Variants in SPRYD4 observed in about 807,000 individuals in gnomAD.
SPRYD4 encodes the protein SPRY domain containing 4.
SPRYD4 carries 12 observed loss-of-function variants against 16.6 expected under a neutral mutation model. That is an observed-to-expected ratio of 0.72 (90% CI 0.46 to 1.17). The LOEUF is 1.17. Ranked by LOEUF, SPRYD4 falls within the 50% of genes most tolerant of loss-of-function variation. SPRYD4 has a pLI of 0.00. For missense variants in SPRYD4, 260 were observed against 260.2 expected (o/e 1.00, Z 0.00); for synonymous variants, 98 against 105.4 (o/e 0.93, Z 0.43).
chr12:56,471,379 G>T lies in SPRYD4; in HGVS notation c.*1802G>T. 8.4e-7 allele frequency: 1 copy of T among 1,187,560 alleles called. No individual in the cohort carries two copies. Among genetic ancestry groups the T allele is most frequent in the Non-Finnish European group, 1.2e-6 (1 of 861,750 alleles). The allele number at this position is 1,187,560 out of a possible 1,614,324, so 73.6% of individuals were successfully genotyped here. ...AGCCTAAGTCACCAAATGACTGCTTGGTCCCCACTGAAGCAGTGTAGCTCT... is the reference window on the plus strand; with the variant it reads ...AGCCTAAGTCACCAAATGACTGCTTTGTCCCCACTGAAGCAGTGTAGCTCT... On this transcript the variant is annotated 3_prime_UTR_variant, in exon 2 of 2. Coordinates refer to ENST00000338146, the MANE Select transcript of SPRYD4 (RefSeq NM_207344.4).
In SPRYD4 at chr12:56,475,988, A is replaced by G. The variant is rs1490322895; in HGVS notation, c.*6411A>G. The G allele has an allele frequency of 1.2e-6, 2 of 1,612,072 alleles. No individual in the cohort carries two copies. The highest frequency in any genetic ancestry group is 1.1e-5 in the South Asian group (1 of 91,056). ...TTTGTTACAGTCCATCTGCAGAGAA[A>G]GAGAGAGATGTCAGCATTCTAAGTG... On this transcript the variant is annotated 3_prime_UTR_variant, in exon 2 of 2. Transcript: ENST00000338146.
Position 56,470,496 on chromosome 12 carries a change from T to C in SPRYD4, c.*919T>C, listed in dbSNP as rs1296441017. 6.6e-6 allele frequency: 1 copy of C among 152,200 alleles called. No individual in the cohort carries two copies. The highest frequency in any genetic ancestry group is 1.5e-5 in the Non-Finnish European group (1 of 68,078). The allele number at this position is 152,200 out of a possible 1,614,324, so 9.4% of individuals were successfully genotyped here. A position where few individuals can be genotyped will look rare whatever the true frequency, so the allele number is the denominator to read the frequency against. On this transcript the variant is annotated 3_prime_UTR_variant, in exon 2 of 2. Coordinates refer to ENST00000338146, the MANE Select transcript of SPRYD4 (RefSeq NM_207344.4). ...TGTGCCACCATGCCCGTCTCATTTT[T>C]ATATTTTTAGTAGAGATGGGGTTTT...
At position 56,469,684 on chromosome 12, in the gene SPRYD4, G is replaced by A. The variant is rs889143353; in HGVS notation, c.*107G>A. The A allele has an allele frequency of 2.4e-5, 26 of 1,096,320 alleles. No homozygotes were observed. The highest frequency in any genetic ancestry group is 1.1e-4 in the South Asian group (7 of 61,896). The allele number at this position is 1,096,320 out of a possible 1,614,324, so 67.9% of individuals were successfully genotyped here. A position where few individuals can be genotyped will look rare whatever the true frequency, so the allele number is the denominator to read the frequency against. On this transcript the variant is annotated 3_prime_UTR_variant, in exon 2 of 2. Transcript: ENST00000338146. ...AGCAACCTCTAGCTCCCACAATTCA[G>A]TGTTGGGTCCTCTGTGCAATATCAT...
In SPRYD4 at chr12:56,469,448, G is replaced by T. The variant is rs574793723; in HGVS notation, c.495G>T (p.Val165=). The part of the protein sequence containing the change: ...LEYEAQKLSL[V]DVSQVSVVHT... ...ATGAGGCCCAGAAGCTGAGCCTGGT[G>T]GATGTGAGCCAGGTCTCTGTGGTTC... The change falls in exon 2 of 2, where the codon GTG becomes GTT. Residue 165 remains valine, a synonymous_variant. Transcript: ENST00000338146. 3 of 1,614,100 alleles carry T rather than the reference G, an allele frequency of 1.9e-6. No individual in the cohort carries two copies. The highest frequency in any genetic ancestry group is 2.7e-5 in the African/African-American group (2 of 75,014).
chr12:56,478,309 G>T lies in SPRYD4; in HGVS notation c.*8732G>T. 6.3e-7 allele frequency: 1 copy of T among 1,580,772 alleles called. No individual in the cohort carries two copies. Among genetic ancestry groups the T allele is most frequent in the South Asian group, 1.1e-5 (1 of 90,268 alleles). On this transcript the variant is annotated 3_prime_UTR_variant, in exon 2 of 2. Transcript: ENST00000338146. ...AAAGGGAGATGGATGTGGAGAAGAG[G>T]AACAGAGTTGAGGTTGAGGGTCAAG...
Position 56,469,310 on chromosome 12 carries a change from T to A in SPRYD4, c.357T>A (p.Asp119Glu). The A allele has an allele frequency of 1.2e-6, 2 of 1,614,120 alleles. No homozygotes were observed. The change falls in exon 2 of 2, where the codon GAT becomes GAA. Residue 119 changes from aspartate to glutamate, a missense_variant. Asp to Glu is a conservative substitution (Grantham distance 45). Transcript: ENST00000338146. ...GGGATAGCTGCATTGGTGTTGATGA[T>A]CGTTCCTGGGTGTTCACCTATGCCC... The part of the protein sequence containing the change: ...MSRDSCIGVD[D>E]RSWVFTYAQR...
chr12:56,468,621 C>G lies in SPRYD4; in HGVS notation c.30C>G (p.Arg10=). The part of the protein sequence containing the change: MALLFARSL[R]LCRWGAKRLG... ...CGCTGCTTTTTGCACGTTCTTTGCG[C>G]TTGTGCCGCTGGGGAGCCAAACGAT... Residue 10 remains arginine, a synonymous_variant, in exon 1 of 2, where the codon CGC becomes CGG. Coordinates refer to ENST00000338146, the MANE Select transcript of SPRYD4 (RefSeq NM_207344.4). 1 of 1,614,002 alleles carries G rather than the reference C, an allele frequency of 6.2e-7. No homozygotes were observed. The highest frequency in any genetic ancestry group is 1.3e-5 in the African/African-American group (1 of 75,070).
Position 56,479,089 on chromosome 12 carries a change from C to G in SPRYD4, c.*9512C>G. 8 of 1,613,766 alleles carry G rather than the reference C, an allele frequency of 5.0e-6. No homozygotes were observed. The highest frequency in any genetic ancestry group is 6.8e-6 in the Non-Finnish European group (8 of 1,179,922). On this transcript the variant is annotated 3_prime_UTR_variant, in exon 2 of 2. Coordinates refer to ENST00000338146, the MANE Select transcript of SPRYD4 (RefSeq NM_207344.4). ...GAGCTCTTTGACATCCTCAAAGATGCGATCCACATGGCCCGTGAACTCCTC... is the reference window on the plus strand; with the variant it reads ...GAGCTCTTTGACATCCTCAAAGATGGGATCCACATGGCCCGTGAACTCCTC...
At chr12:56,468,704 C>A in intron 1 of SPRYD4, 28 bp downstream of exon 1, 1 of 1,598,774 alleles carries the variant, frequency 6.3e-7, no homozygotes, top group South Asian at 1.1e-5. Context: ...TACTCTTTTA[C>A]CTCCAGAATG....
chr12:56,473,896 C>A lies in SPRYD4; in HGVS notation c.*4319C>A. On this transcript the variant is annotated 3_prime_UTR_variant, in exon 2 of 2. Transcript: ENST00000338146. ...TAATAAACAGGTAAATAAATAGACACGTAATGTTTAAAGTAATTGTGATAA... is the reference window on the plus strand; with the variant it reads ...TAATAAACAGGTAAATAAATAGACAAGTAATGTTTAAAGTAATTGTGATAA... 3.6e-6 allele frequency: 1 copy of A among 275,396 alleles called. No homozygotes were observed. The highest frequency in any genetic ancestry group is 6.8e-6 in the Non-Finnish European group (1 of 147,570). The allele number at this position is 275,396 out of a possible 1,614,324, so 17.1% of individuals were successfully genotyped here. A position where few individuals can be genotyped will look rare whatever the true frequency, so the allele number is the denominator to read the frequency against.
rs755930387 is a variant in SPRYD4 at position 56,474,866 on chromosome 12, C to T, written c.*5289C>T. 1 of 1,614,044 alleles carries T rather than the reference C, an allele frequency of 6.2e-7. No individual in the cohort carries two copies. Among genetic ancestry groups the T allele is most frequent in the Non-Finnish European group, 8.5e-7 (1 of 1,180,028 alleles). ...CTTACCTGGAAGTAGAGATCAAGGG[C>T]AGCCATCATGTCCACCCCCTTAGGA... On this transcript the variant is annotated 3_prime_UTR_variant, in exon 2 of 2. Transcript: ENST00000338146.
Position 56,475,284 on chromosome 12 carries a change from G to A in SPRYD4, c.*5707G>A. ...ATTTCTGAACCTGAGCAAACACTCAGCATAGTTTTGTTATAAAGTAAACCC... is the reference window on the plus strand; with the variant it reads ...ATTTCTGAACCTGAGCAAACACTCAACATAGTTTTGTTATAAAGTAAACCC... On this transcript the variant is annotated 3_prime_UTR_variant, in exon 2 of 2. Coordinates refer to ENST00000338146, the MANE Select transcript of SPRYD4 (RefSeq NM_207344.4). The A allele has an allele frequency of 1.3e-6, 2 of 1,485,290 alleles. No individual in the cohort carries two copies. Among genetic ancestry groups the A allele is most frequent in the Non-Finnish European group, 1.8e-6 (2 of 1,104,832 alleles). 92.0% of individuals were successfully genotyped at this position (1,485,290 alleles called of 1,614,324 possible). A position where few individuals can be genotyped will look rare whatever the true frequency, so the allele number is the denominator to read the frequency against.
At position 56,476,107 on chromosome 12, in the gene SPRYD4, G is replaced by A. The variant is rs1435689297; in HGVS notation, c.*6530G>A. ...TGCAAATGTGTTCAATTTTATAATG[G>A]CCCTTTTTTTATCCTTCTGAAAACA... On this transcript the variant is annotated 3_prime_UTR_variant, in exon 2 of 2. Transcript: ENST00000338146. The A allele has an allele frequency of 3.7e-6, 3 of 807,306 alleles. No individual in the cohort carries two copies. Among genetic ancestry groups the A allele is most frequent in the Middle Eastern group, 2.3e-4 (1 of 4,428 alleles). The allele number at this position is 807,306 out of a possible 1,614,324, so 50.0% of individuals were successfully genotyped here.
chr12:56,475,450 A>G lies in SPRYD4; in HGVS notation c.*5873A>G. ...GTACTAATTAGAAATGGAACAAATT[A>G]TTTTACAAGATAAACAAATGTTTAT... On this transcript the variant is annotated 3_prime_UTR_variant, in exon 2 of 2. Coordinates refer to ENST00000338146, the MANE Select transcript of SPRYD4 (RefSeq NM_207344.4). The G allele has an allele frequency of 8.3e-6, 6 of 723,702 alleles. No homozygotes were observed. Among genetic ancestry groups the G allele is most frequent in the South Asian group, 7.6e-5 (4 of 52,706 alleles). The allele number at this position is 723,702 out of a possible 1,614,324, so 44.8% of individuals were successfully genotyped here. A position where few individuals can be genotyped will look rare whatever the true frequency, so the allele number is the denominator to read the frequency against.
rs890367756 is a variant in SPRYD4, at chr12:56,474,524, T to A, written c.*4947T>A. The A allele has an allele frequency of 3.1e-6, 5 of 1,613,062 alleles. No homozygotes were observed. Among genetic ancestry groups the A allele is most frequent in the Non-Finnish European group, 4.2e-6 (5 of 1,179,932 alleles). On this transcript the variant is annotated 3_prime_UTR_variant, in exon 2 of 2. Coordinates refer to ENST00000338146, the MANE Select transcript of SPRYD4 (RefSeq NM_207344.4). ...TAGCACTGGGCTCATGACAGATGGA[T>A]AGCAGAGCCAGAAACTCACGTGGAA...
Position 56,476,468 on chromosome 12 carries a change from C to A in SPRYD4, c.*6891C>A. 6.0e-6 allele frequency: 1 copy of A among 168,054 alleles called. No homozygotes were observed. The highest frequency in any genetic ancestry group is 1.3e-5 in the Non-Finnish European group (1 of 78,138). The allele number at this position is 168,054 out of a possible 1,614,324, so 10.4% of individuals were successfully genotyped here. ...CCCCATGCTGGAGCTTTACTCCATCCCATTGGCCAGCATGATGGTTCATGC... is the reference window on the plus strand; with the variant it reads ...CCCCATGCTGGAGCTTTACTCCATCACATTGGCCAGCATGATGGTTCATGC... On this transcript the variant is annotated 3_prime_UTR_variant, in exon 2 of 2. Transcript: ENST00000338146.
chr12:56,471,598 C>T lies in SPRYD4; in HGVS notation c.*2021C>T. The T allele has an allele frequency of 2.5e-6, 4 of 1,614,102 alleles. No individual in the cohort carries two copies. Among genetic ancestry groups the T allele is most frequent in the Non-Finnish European group, 3.4e-6 (4 of 1,180,004 alleles). On this transcript the variant is annotated 3_prime_UTR_variant, in exon 2 of 2. Transcript: ENST00000338146. ...AATCTTGAAGCAGTTTGACCACCTCCAGATGGTTGAACTGCACAGCATCAT... is the reference window on the plus strand; with the variant it reads ...AATCTTGAAGCAGTTTGACCACCTCTAGATGGTTGAACTGCACAGCATCAT...
In SPRYD4 at chr12:56,471,852, G is replaced by A. The variant is rs1869302058; in HGVS notation, c.*2275G>A. The A allele has an allele frequency of 6.2e-7, 1 of 1,612,864 alleles. No homozygotes were observed. Among genetic ancestry groups the A allele is most frequent in the Non-Finnish European group, 8.5e-7 (1 of 1,179,394 alleles). ...TCGATGTGTCCTAGGAATATGGGCA[G>A]AAGGAAAATGAGAAGGCGCAGGTCT... On this transcript the variant is annotated 3_prime_UTR_variant, in exon 2 of 2. Transcript: ENST00000338146.
Position 56,469,800 on chromosome 12 carries a change from G to C in SPRYD4, c.*223G>C, listed in dbSNP as rs1324405924. Reference sequence around the variant, plus strand: ...CCACCAACTACTGCCAATTTCCTAGGCTACCATGGGTGTATCTTCCTTGAC... The same window carrying C: ...CCACCAACTACTGCCAATTTCCTAGCCTACCATGGGTGTATCTTCCTTGAC... On this transcript the variant is annotated 3_prime_UTR_variant, in exon 2 of 2. Coordinates refer to ENST00000338146, the MANE Select transcript of SPRYD4 (RefSeq NM_207344.4). 1.7e-6 allele frequency: 1 copy of C among 573,770 alleles called. No individual in the cohort carries two copies. The highest frequency in any genetic ancestry group is 2.9e-5 in the East Asian group (1 of 34,450). The allele number at this position is 573,770 out of a possible 1,614,324, so 35.5% of individuals were successfully genotyped here.
Sources: gnomAD v4.1 joint callset for allele counts on GRCh38, gnomAD v4.1.1 for gene constraint, MANE v1.5 for transcripts, NCBI Gene and HGNC (gene_info 2026-07-23, HGNC 2026-07-21) for gene names.